Variants in AHI1 observed in about 807,000 individuals in gnomAD.
AHI1 encodes the protein Abelson helper integration site 1, also known as jouberin.
AHI1 carries 123 observed loss-of-function variants against 149.3 expected under a neutral mutation model. That is an observed-to-expected ratio of 0.82 (90% confidence interval 0.71 to 0.96). The LOEUF (loss-of-function observed/expected upper bound fraction) is 0.96. AHI1 is among the 40% of genes least tolerant of loss of function. The pLI, the probability that AHI1 is intolerant of heterozygous loss-of-function variation, is 0.00. For synonymous variants in AHI1, 475 were observed against 459.8 expected, an observed-to-expected ratio of 1.03 and a Z score of -0.42; for missense variants, 1,439 against 1,422.7, an observed-to-expected ratio of 1.01 and a Z score of -0.18.
At chr6:135,362,678 T>C (rs928575441) in intron 23 of AHI1, among the ~76,000 whole-genome samples, 3 of 152,216 alleles carry the variant, frequency 2.0e-5, no homozygotes, top group Non-Finnish European at 4.4e-5. Flanking sequence ...CAACTGTCAA[T>C]TGTCTATGCA....
Position 135,474,112 on chromosome 6 carries a change from G to A in AHI1, c.136-6478C>T, listed in dbSNP as rs1792195911. Reference sequence around the variant, plus strand: ...TCTGAGCACACTTAAGGTAGGCTAGGACAAGCTCTGATGCTTGGTTGCTTA... The same window carrying A: ...TCTGAGCACACTTAAGGTAGGCTAGAACAAGCTCTGATGCTTGGTTGCTTA... On this transcript the variant is annotated intron_variant, in intron 5 of 28. Coordinates refer to ENST00000265602, the MANE Select transcript of AHI1 (RefSeq NM_001134831.2). Among the ~76,000 whole-genome samples the A allele has an allele frequency of 3.9e-5, 6 of 152,274 alleles. No individual in the cohort carries two copies. The South Asian group carries it at 1.2e-3, about 32-fold the overall frequency.
At chr6:135,379,792 T>C (rs768521938) in intron 23 of AHI1, among the ~76,000 whole-genome samples, 27 of 152,134 alleles carry the variant, frequency 1.8e-4, no homozygotes, top group Non-Finnish European at 1.3e-4. Context: ...TCAAAATGCA[T>C]ACCAAGTACA....
chr6:135,289,662 A>G (rs1432441782), intron 28 of AHI1, among the ~76,000 whole-genome samples: 1 of 151,962 alleles, frequency 6.6e-6, no homozygotes, highest in Non-Finnish European at 1.5e-5. Flanking sequence ...CAATTCTGGT[A>G]TCAAGGTTAA....
intron 15 of AHI1, chr6:135,435,289 A>G (rs1341365050): frequency 6.6e-6 from 1 of 152,198 alleles, no homozygotes; most frequent in Non-Finnish European, 1.5e-5. Context: ...ATAAATAAGG[A>G]AAAAATGTGT....
chr6:135,398,058 G>GTTTTGT (rs1779487730), intron 22 of AHI1, among the ~76,000 whole-genome samples: 7 of 88,428 alleles, frequency 7.9e-5, no homozygotes, highest in African/African-American at 3.0e-4. Context: ...TACCCAGGAT[G>GTTTTGT]TTTTTTTTTT....
intron 23 of AHI1, among the ~76,000 whole-genome samples, chr6:135,359,944 G>T (rs1793596261): frequency 1.3e-5 from 2 of 152,130 alleles, no homozygotes; most frequent in South Asian, 2.1e-4. Context: ...TTTAGGATAA[G>T]AATGTGTTGA....
At chr6:135,328,142 C>T (rs1787988001) in intron 24 of AHI1, among the ~76,000 whole-genome samples, 1 of 152,186 alleles carries the variant, frequency 6.6e-6, no homozygotes, top group Non-Finnish European at 1.5e-5. Context: ...GGATCCGACA[C>T]TGTCTTCAAG....
intron 20 of AHI1, among the ~76,000 whole-genome samples, chr6:135,415,416 T>G (rs1227295837): frequency 6.6e-6 from 1 of 152,170 alleles, no homozygotes; most frequent in African/African-American, 2.4e-5. Flanking sequence ...TTGAACTAGT[T>G]TACAGTCCCA....
At chr6:135,385,087 C>T (rs1326213737) in intron 23 of AHI1, among the ~76,000 whole-genome samples, 3 of 151,920 alleles carry the variant, frequency 2.0e-5, no homozygotes, top group African/African-American at 7.2e-5. Flanking sequence ...AGACACCATC[C>T]CCCCCACCTC....
intron 10 of AHI1, 104 bp from the exon 11 acceptor site, chr6:135,453,540 T>A: frequency 1.2e-6 from 1 of 824,404 alleles, no homozygotes. Flanking sequence ...TTAAAAACAT[T>A]AACCTTTACA....
At chr6:135,291,620 G>A (rs1782364237) in intron 27 of AHI1, among the ~76,000 whole-genome samples, 1 of 152,298 alleles carries the variant, frequency 6.6e-6, no homozygotes, top group South Asian at 2.1e-4. Flanking sequence ...TGTAGTTTAA[G>A]CAATGAAGTC....
chr6:135,374,956 G>A (rs1430537760), intron 23 of AHI1, among the ~76,000 whole-genome samples: 2 of 152,112 alleles, frequency 1.3e-5, no homozygotes, highest in Non-Finnish European at 2.9e-5. Context: ...TTATAAAATA[G>A]GCTTTGTCTT....
At chr6:135,364,857 G>C (rs910845591) in intron 23 of AHI1, among the ~76,000 whole-genome samples, 1 of 152,168 alleles carries the variant, frequency 6.6e-6, no homozygotes, top group Admixed American at 6.5e-5. Flanking sequence ...GTCCAGCTTC[G>C]GCTTGGCATC....
intron 23 of AHI1, among the ~76,000 whole-genome samples, chr6:135,374,108 ATTTTT>A (rs869245989): frequency 1.7e-3 from 86 of 49,736 alleles, no homozygotes; most frequent in East Asian, 5.5e-3. Flanking sequence ...ATATATATAT[ATTTTT>A]TTTTTTTTTT....
chr6:135,310,020 A>G (rs1412349009), intron 26 of AHI1, among the ~76,000 whole-genome samples: 1 of 152,178 alleles, frequency 6.6e-6, no homozygotes, highest in Non-Finnish European at 1.5e-5. Context: ...AATTGATATT[A>G]TTCTTTAGCA....
intron 13 of AHI1, among the ~76,000 whole-genome samples, chr6:135,446,330 T>G (rs535865085): frequency 2.6e-5 from 4 of 152,128 alleles, no homozygotes; most frequent in Non-Finnish European, 5.9e-5. Context: ...GGGGCGTGCA[T>G]GCACAAAGAT....
At chr6:135,327,883 C>T (rs576210650) in intron 24 of AHI1, among the ~76,000 whole-genome samples, 2 of 152,332 alleles carry the variant, frequency 1.3e-5, no homozygotes, top group South Asian at 4.2e-4. Context: ...AGCTTCCCCT[C>T]CTTCCTTCAT....
chr6:135,401,896 C>G (rs1200194226), intron 22 of AHI1, among the ~76,000 whole-genome samples: 1 of 151,930 alleles, frequency 6.6e-6, no homozygotes, highest in Non-Finnish European at 1.5e-5. Flanking sequence ...AAAAGACAAT[C>G]CACAAAATGG....
At chr6:135,408,336 C>A (rs1287163620) in intron 21 of AHI1, among the ~76,000 whole-genome samples, 1 of 151,956 alleles carries the variant, frequency 6.6e-6, no homozygotes, top group African/African-American at 2.4e-5. Flanking sequence ...ATATGTTTCT[C>A]TTCATCTTTA....
Sources: allele counts gnomAD v4.1 joint callset (sites outside exome capture counted in the v4.1 genomes callset), GRCh38; gene constraint gnomAD v4.1.1; transcripts MANE v1.5; gene names NCBI Gene and HGNC (gene_info 2026-07-23, HGNC 2026-07-21).